PBX3: variants seen among roughly 807,000 people sequenced by gnomAD.
PBX3 encodes the protein pre-B-cell leukemia transcription factor 3.
A neutral mutation model predicts 48.5 loss-of-function variants in PBX3; 14 were observed. The ratio of observed to expected loss-of-function variants is 0.29; its 90% CI spans 0.19 to 0.45. PBX3 has a LOEUF of 0.45. PBX3 is among the 20% of genes least tolerant of loss of function. PBX3 has a pLI of 1.00. For synonymous variants in PBX3, 210 were observed against 200.3 expected (o/e 1.05, Z -0.41); for missense variants, 386 against 546.7 (o/e 0.71, Z 2.93).
chr9:125,805,076 C>G (rs535069836), intron 2 of PBX3, among the ~76,000 whole-genome samples: 35 of 151,494 alleles, frequency 2.3e-4, no homozygotes, highest in Admixed American at 7.9e-4. Context: ...GAAAGAGATA[C>G]TAAGTGAGGC....
At chr9:125,768,161 GT>G (rs1456729941) in intron 2 of PBX3, among the ~76,000 whole-genome samples, 1 of 152,036 alleles carries the variant, frequency 6.6e-6, no homozygotes, top group Non-Finnish European at 1.5e-5. Flanking sequence ...TTTGGTAACT[GT>G]TTTGTTATTT....
At chr9:125,891,782 A>G (rs1840650767) in intron 2 of PBX3, among the ~76,000 whole-genome samples, 1 of 152,182 alleles carries the variant, frequency 6.6e-6, no homozygotes, top group Non-Finnish European at 1.5e-5. Context: ...ATGTAGTCCC[A>G]GAATTTTGTA....
In PBX3 at chr9:125,748,614, G is replaced by T; in HGVS notation, c.265G>T (p.Glu89Ter). ...CTTCAGCGTCCTGTGTGAGATCAAA[G>T]AGAAAACAGGTAAGACGCTGCGCCC... ...ALFSVLCEIK[E>*]KTGLSIRGAQ... Residue 89 changes from glutamate to a stop codon, truncating the protein, a stop_gained, in exon 2 of 9, where the codon GAG (glutamate) becomes TAG (stop). Coordinates refer to ENST00000373489, the MANE Select transcript of PBX3 (RefSeq NM_006195.6). LOFTEE classifies it high-confidence loss of function. 6.2e-7 allele frequency: 1 copy of T among 1,613,318 alleles called. No homozygotes were observed. Among genetic ancestry groups the T allele is most frequent in the South Asian group, 1.1e-5 (1 of 91,066 alleles).
At chr9:125,904,472 A>G (rs1319978327) in intron 2 of PBX3, among the ~76,000 whole-genome samples, 1 of 151,858 alleles carries the variant, frequency 6.6e-6, no homozygotes, top group Non-Finnish European at 1.5e-5. Context: ...TCAGCATTAC[A>G]CATTGTTTGT....
At chr9:125,845,957 A>G (rs1418793582) in intron 2 of PBX3, among the ~76,000 whole-genome samples, 1 of 152,136 alleles carries the variant, frequency 6.6e-6, no homozygotes. Context: ...CATTTATGCA[A>G]TAGGCCTTGA....
chr9:125,962,871 C>T, intron 7 of PBX3, 141 bp from the exon 8 acceptor site: 1 of 449,964 alleles, frequency 2.2e-6, no homozygotes, highest in Non-Finnish European at 4.0e-6. Flanking sequence ...GAAATTCTGC[C>T]AGTCACATTT....
intron 2 of PBX3, among the ~76,000 whole-genome samples, chr9:125,906,820 A>G (rs896461477): frequency 2.0e-5 from 3 of 152,032 alleles, no homozygotes. Flanking sequence ...TTATTTGAAT[A>G]AAGTTTTCTG....
At chr9:125,929,603 T>C in intron 3 of PBX3, 52 bp from the exon 4 acceptor site, 1 of 1,281,914 alleles carries the variant, frequency 7.8e-7, no homozygotes, top group South Asian at 1.3e-5. Context: ...GTGAATGTCT[T>C]CGTGTGATAG....
chr9:125,945,834 G>A (rs921956119), intron 5 of PBX3, among the ~76,000 whole-genome samples: 3 of 152,182 alleles, frequency 2.0e-5, no homozygotes, highest in African/African-American at 7.2e-5. Context: ...CAAGGTTAAA[G>A]ATACAGCTTG....
chr9:125,962,048 A>G, intron 6 of PBX3, 54 bp from the exon 7 acceptor site: 1 of 870,274 alleles, frequency 1.1e-6, no homozygotes, highest in Non-Finnish European at 1.9e-6. Context: ...TAGGTCTTTG[A>G]GGATTATGTG....
At chr9:125,846,052 C>A (rs572179449) in intron 2 of PBX3, among the ~76,000 whole-genome samples, 2 of 152,020 alleles carry the variant, frequency 1.3e-5, no homozygotes, top group African/African-American at 4.8e-5. Flanking sequence ...ATATTAGTTT[C>A]TCTTGCCTAA....
At chr9:125,844,797 A>G (rs1839384725) in intron 2 of PBX3, 1 of 152,036 alleles carries the variant, frequency 6.6e-6, no homozygotes, top group Admixed American at 6.6e-5. Flanking sequence ...TACCATTGCT[A>G]CTCCAGGAAC....
intron 2 of PBX3, among the ~76,000 whole-genome samples, chr9:125,819,221 A>T (rs1180222272): frequency 2.0e-5 from 3 of 151,946 alleles, no homozygotes; most frequent in Non-Finnish European, 2.9e-5. Context: ...CCAAAGGAAC[A>T]TTAATTTTTA....
intron 2 of PBX3, chr9:125,843,587 T>C (rs567508719): frequency 1.5e-4 from 35 of 228,124 alleles, no homozygotes; most frequent in African/African-American, 7.8e-4. Context: ...CGGAATGCCT[T>C]GGAAAACAAA....
Position 125,902,301 on chromosome 9 carries a change from G to GT in PBX3, c.275-13381dup, listed in dbSNP as rs546569416. On this transcript the variant is annotated intron_variant, in intron 2 of 8. Transcript: ENST00000373489. ...TTGACCAGTGTTATTCTGTTAAGTA[G>GT]TTTTGCAGGATTTTCTCTTGCAAGA... Among the ~76,000 whole-genome samples, 8 of 151,640 alleles carry GT rather than the reference G, an allele frequency of 5.3e-5. No individual in the cohort carries two copies. In the South Asian group the frequency reaches 1.7e-3, roughly 31 times the overall value.
chr9:125,911,885 A>T (rs947046891), intron 2 of PBX3, among the ~76,000 whole-genome samples: 2 of 152,184 alleles, frequency 1.3e-5, no homozygotes, highest in African/African-American at 4.8e-5. Context: ...TATGGATATT[A>T]TCTATCTTCC....
intron 2 of PBX3, among the ~76,000 whole-genome samples, chr9:125,824,623 GTCTTTCAGAC>G (rs879373264): frequency 6.6e-6 from 1 of 151,996 alleles, no homozygotes; most frequent in African/African-American, 2.4e-5. Context: ...GAAAGATACA[GTCTTTCAGAC>G]TAACAGGTTC....
rs1316511327 is a variant in PBX3, at chr9:125,895,230, A to G, written c.275-20456A>G. On this transcript the variant is annotated intron_variant, in intron 2 of 8. Coordinates refer to ENST00000373489, the MANE Select transcript of PBX3 (RefSeq NM_006195.6). ...TAAGGATATAAATGATAAAATGTGC[A>G]GTAGCCTGCATGTATGTGTGATAAG... 2.6e-5 allele frequency among the ~76,000 whole-genome samples: 4 copies of G among 152,120 alleles called. No homozygotes were observed. In the East Asian group the frequency reaches 7.7e-4, roughly 29 times the overall value.
chr9:125,830,973 T>C (rs1438463131), intron 2 of PBX3, among the ~76,000 whole-genome samples: 2 of 152,178 alleles, frequency 1.3e-5, no homozygotes, highest in African/African-American at 4.8e-5. Flanking sequence ...ACCACTAATA[T>C]GTTATACTTG....
Sources: allele counts gnomAD v4.1 joint callset (sites outside exome capture counted in the v4.1 genomes callset), GRCh38; gene constraint gnomAD v4.1.1; transcripts MANE v1.5; gene names NCBI Gene and HGNC (gene_info 2026-07-23, HGNC 2026-07-21).